NRXN3: variants seen among roughly 807,000 people sequenced by gnomAD.
NRXN3 encodes neurexin 3.
In NRXN3, 32 loss-of-function variants were observed where a neutral mutation model predicts 137.6. The ratio of observed to expected loss-of-function variants is 0.23; its 90% CI spans 0.18 to 0.31. NRXN3 has a LOEUF of 0.31. Among genes scored for constraint, NRXN3 ranks in the 10% least tolerant of loss-of-function variants. The pLI is 1.00. For missense variants in NRXN3, 1,574 were observed against 2,062.5 expected (o/e 0.76, Z 4.59); for synonymous variants, 798 against 784.5 (o/e 1.02, Z -0.29).
rs187137583 is a variant in NRXN3, at chr14:78,191,074, G to A, written c.-704+20400G>A. On this transcript the variant is annotated intron_variant, in intron 1 of 20. Transcript: ENST00000335750. ...TGAAATTTCCTCAGAAAAGTACAAGGAAAATTCATTTTCCCTTATTTTTCA... is the reference window on the plus strand; with the variant it reads ...TGAAATTTCCTCAGAAAAGTACAAGAAAAATTCATTTTCCCTTATTTTTCA... Among the ~76,000 whole-genome samples, 35 of 152,242 alleles carry A rather than the reference G, an allele frequency of 2.3e-4. No individual in the cohort carries two copies. In the Middle Eastern group the frequency reaches 0.017, roughly 74 times the overall value.
intron 16 of NRXN3, among the ~76,000 whole-genome samples, chr14:79,507,335 C>T (rs1025150990): frequency 6.6e-6 from 1 of 151,822 alleles, no homozygotes; most frequent in Non-Finnish European, 1.5e-5. Context: ...CTTAAAACTA[C>T]CAAGTTGGTG....
intron 4 of NRXN3, among the ~76,000 whole-genome samples, chr14:78,404,077 G>C (rs527277095): frequency 2.4e-4 from 37 of 152,204 alleles, no homozygotes; most frequent in African/African-American, 8.7e-4. Flanking sequence ...AAAAGAAAGG[G>C]AAGGGGACTC....
At chr14:78,450,265 CA>C (rs1369140117) in intron 4 of NRXN3, among the ~76,000 whole-genome samples, 1 of 152,086 alleles carries the variant, frequency 6.6e-6, no homozygotes, top group Non-Finnish European at 1.5e-5. Flanking sequence ...TCTATGTTTT[CA>C]AAATTTTCTT....
chr14:79,076,364 G>A (rs1172899227), intron 15 of NRXN3, among the ~76,000 whole-genome samples: 6 of 152,172 alleles, frequency 3.9e-5, no homozygotes, highest in Non-Finnish European at 7.3e-5. Flanking sequence ...TGGCTTAGCT[G>A]GGTGCCTCTG....
At chr14:79,433,405 G>A (rs2095795077) in intron 15 of NRXN3, among the ~76,000 whole-genome samples, 1 of 152,140 alleles carries the variant, frequency 6.6e-6, no homozygotes, top group African/African-American at 2.4e-5. Context: ...GGTGTCCAGA[G>A]AATTCAATGC....
At chr14:79,853,968 G>C (rs1429781995) in intron 20 of NRXN3, 16 of 987,732 alleles carry the variant, frequency 1.6e-5, no homozygotes, top group Non-Finnish European at 1.8e-5. Context: ...ATTTGTTAAA[G>C]TGCAGATTTT....
At chr14:79,339,519 A>T (rs1200464911) in intron 15 of NRXN3, among the ~76,000 whole-genome samples, 1 of 152,240 alleles carries the variant, frequency 6.6e-6, no homozygotes, top group Non-Finnish European at 1.5e-5. Context: ...TTCGTGTCTT[A>T]CTATTCAAAG....
At chr14:78,379,353 C>A (rs1263245381) in intron 4 of NRXN3, among the ~76,000 whole-genome samples, 1 of 152,056 alleles carries the variant, frequency 6.6e-6, no homozygotes. Context: ...ATATGACACA[C>A]AATCTTTAAA....
At chr14:78,523,939 C>T (rs1432003927) in intron 4 of NRXN3, among the ~76,000 whole-genome samples, 1 of 151,592 alleles carries the variant, frequency 6.6e-6, no homozygotes, top group Non-Finnish European at 1.5e-5. Context: ...AAGCCATACT[C>T]AAATGAATTT....
chr14:79,290,111 G>A (rs1441300499), intron 15 of NRXN3, among the ~76,000 whole-genome samples: 6 of 152,028 alleles, frequency 3.9e-5, no homozygotes, highest in Middle Eastern at 3.2e-3. Context: ...CGAGGCAGTC[G>A]TTCAGAATTT....
At chr14:78,856,125 C>T (rs1408416063) in intron 10 of NRXN3, among the ~76,000 whole-genome samples, 3 of 152,186 alleles carry the variant, frequency 2.0e-5, no homozygotes, top group African/African-American at 7.2e-5. Flanking sequence ...ACACTCCAAC[C>T]TCAGTATGCC....
rs12587614 is a variant in NRXN3, at chr14:79,582,703, G to A, written c.3445-81075G>A. Among the ~76,000 whole-genome samples the A allele has an allele frequency of 0.022, 3,304 of 152,182 alleles. 201 individuals are homozygous for A. The East Asian group carries it at 0.25, about 11-fold the overall frequency. On this transcript the variant is annotated intron_variant, in intron 16 of 20. Coordinates refer to ENST00000335750, the MANE Select transcript of NRXN3 (RefSeq NM_001330195.2). ...CAAAGTGCTGGGATTACATGCATGAGTCCCCACTGGATTTGATCTTTACAA... is the reference window on the plus strand; with the variant it reads ...CAAAGTGCTGGGATTACATGCATGAATCCCCACTGGATTTGATCTTTACAA...
Position 79,299,102 on chromosome 14 carries a change from A to G in NRXN3, c.3263-168119A>G, listed in dbSNP as rs573645115. On this transcript the variant is annotated intron_variant, in intron 15 of 20. Coordinates refer to ENST00000335750, the MANE Select transcript of NRXN3 (RefSeq NM_001330195.2). ...CTGGAAACAGTGAAGAAAGAGGCTT[A>G]TTTATTTATTTATTTATTTGCTTTT... 2.2e-4 allele frequency among the ~76,000 whole-genome samples: 33 copies of G among 148,134 alleles called. No homozygotes were observed. In the South Asian group the frequency reaches 5.6e-3, roughly 25 times the overall value.
chr14:78,997,799 G>A (rs1038637615), intron 15 of NRXN3, among the ~76,000 whole-genome samples: 5 of 152,066 alleles, frequency 3.3e-5, no homozygotes, highest in African/African-American at 4.8e-5. Context: ...TTCCCTTTCC[G>A]GTTAGTTCTT....
intron 15 of NRXN3, among the ~76,000 whole-genome samples, chr14:79,276,709 TAA>T (rs757712972): frequency 3.4e-4 from 42 of 121,952 alleles, no homozygotes; most frequent in East Asian, 6.7e-4. Flanking sequence ...CAATGCCAAT[TAA>T]AAAAAAAAAA....
At chr14:79,122,548 A>G (rs1253381065) in intron 15 of NRXN3, among the ~76,000 whole-genome samples, 1 of 152,252 alleles carries the variant, frequency 6.6e-6, no homozygotes, top group African/African-American at 2.4e-5. Context: ...ACATTCTAAT[A>G]TTATTTGGAT....
intron 8 of NRXN3, among the ~76,000 whole-genome samples, chr14:78,756,106 T>C (rs1222199526): frequency 6.6e-6 from 1 of 152,304 alleles, no homozygotes; most frequent in East Asian, 1.9e-4. Flanking sequence ...TCCAGAGTCA[T>C]TGAGGGCTTC....
Position 79,861,091 on chromosome 14 carries a change from T to C in NRXN3, c.4094-251T>C. 2.1e-6 allele frequency: 3 copies of C among 1,440,114 alleles called. No homozygotes were observed. In the African/African-American group the frequency reaches 4.3e-5, roughly 21 times the overall value. The allele number at this position is 1,440,114 out of a possible 1,614,324, so 89.2% of individuals were successfully genotyped here. On this transcript the variant is annotated intron_variant, in intron 20 of 20. Transcript: ENST00000335750. This position sits in a 1 kb window ranked among gnomAD's most constrained non-coding sequence, Gnocchi z 5.4. ...TAGAAGACCCTTTAGCTACCCCTCC[T>C]ATTGCTACTCGTGCACCTTCCATTA...
chr14:79,589,066 G>A (rs1168101234), intron 16 of NRXN3, among the ~76,000 whole-genome samples: 1 of 152,092 alleles, frequency 6.6e-6, no homozygotes, highest in Admixed American at 6.6e-5. Flanking sequence ...ACTAGCCTGG[G>A]CAACATGGCG....
Sources: gnomAD v4.1 joint callset for allele counts (sites outside exome capture counted in the v4.1 genomes callset) on GRCh38, gnomAD v4.1.1 for gene constraint, Gnocchi (gnomAD v3.1) non-coding constraint, MANE v1.5 for transcripts, NCBI Gene and HGNC (gene_info 2026-07-23, HGNC 2026-07-21) for gene names.